MRPS6: variants seen among roughly 807,000 people sequenced by gnomAD.
MRPS6 encodes mitochondrial ribosomal protein S6.
Under a neutral mutation model 13.1 loss-of-function variants are expected in MRPS6, and 6 were observed. The observed-to-expected ratio is 0.46, with a 90% CI of 0.25 to 0.91. The LOEUF (loss-of-function observed/expected upper bound fraction) is 0.91, where lower values mean the gene tolerates loss of function less well. Ranked by LOEUF, MRPS6 falls within the 40% of genes least tolerant of loss-of-function variation. MRPS6 has a pLI of 0.18. For synonymous variants in MRPS6, 61 were observed against 56.5 expected (o/e 1.08, Z -0.36); for missense variants, 164 against 155.6 (o/e 1.05, Z -0.29).
At position 34,096,211 on chromosome 21, in the gene MRPS6, T is replaced by G; in HGVS notation, c.45+22466T>G. 5.6e-6 allele frequency: 9 copies of G among 1,614,224 alleles called. No homozygotes were observed. Among genetic ancestry groups the G allele is most frequent in the Non-Finnish European group, 7.6e-6 (9 of 1,180,020 alleles). On this transcript the variant is annotated intron_variant, in intron 1 of 2. Transcript: ENST00000399312. This position sits in a 1 kb window ranked among gnomAD's most constrained non-coding sequence, Gnocchi z 5.9. ...TGCATCAACCCAGAGCACTGCATGC[T>G]GGTGTGTGGAAGCAGAGCTGGTTGC...
chr21:34,100,929 G>GT (rs1184439831), intron 1 of MRPS6: 1 of 1,000,182 alleles, frequency 1.0e-6, no homozygotes, highest in Non-Finnish European at 1.2e-6. Context: ...GCTTGGCAGT[G>GT]TTAAAGCTTA....
chr21:34,093,385 T>G (rs1438218410), intron 1 of MRPS6, among the ~76,000 whole-genome samples: 2 of 152,126 alleles, frequency 1.3e-5, no homozygotes, highest in African/African-American at 2.4e-5. Context: ...ATTGAGACAT[T>G]TCTATCCAGG....
At chr21:34,101,050 A>G in intron 1 of MRPS6, 1 of 1,000,168 alleles carries the variant, frequency 1.0e-6, no homozygotes, top group Non-Finnish European at 1.2e-6. Context: ...CTAGGTTTGG[A>G]TAGAGAGATG....
rs1979282841 is a variant in MRPS6, at chr21:34,102,420, G to C, written c.46-22921G>C. ...AACTTCTTTATAAAAAGAGGGATTA[G>C]TTTTTTTGTTTTGGGGTAAGCACCT... On this transcript the variant is annotated intron_variant, in intron 1 of 2. Transcript: ENST00000399312. 10 of 999,714 alleles carry C rather than the reference G, an allele frequency of 1.0e-5. 1 individual carries two copies. In the South Asian group the frequency reaches 4.2e-4, roughly 42 times the overall value. 61.9% of individuals were successfully genotyped at this position (999,714 alleles called of 1,614,324 possible).
chr21:34,080,259 C>G (rs181231826), intron 1 of MRPS6, among the ~76,000 whole-genome samples: 1 of 152,306 alleles, frequency 6.6e-6, no homozygotes, highest in Admixed American at 6.5e-5. Flanking sequence ...TGTATCAACA[C>G]TTGCCAAATT....
chr21:34,077,532 T>G (rs1207167749), intron 1 of MRPS6, among the ~76,000 whole-genome samples: 4 of 152,224 alleles, frequency 2.6e-5, no homozygotes, highest in Non-Finnish European at 5.9e-5. Flanking sequence ...ACTAATTCAC[T>G]TGCTAAATGA....
intron 1 of MRPS6, chr21:34,103,315 TAAA>T (rs11433558): frequency 1.3e-4 from 121 of 910,538 alleles, no homozygotes; most frequent in East Asian, 2.4e-4. Context: ...GTGAAGGAAG[TAAA>T]AAAAAAAAAA....
At chr21:34,089,373 C>T (rs1174470884) in intron 1 of MRPS6, among the ~76,000 whole-genome samples, 6 of 151,526 alleles carry the variant, frequency 4.0e-5, no homozygotes, top group Non-Finnish European at 7.4e-5. Flanking sequence ...GAGTTTGCTC[C>T]TATATGTGAT....
intron 1 of MRPS6, chr21:34,103,230 C>T: frequency 1.0e-6 from 1 of 999,382 alleles, no homozygotes; most frequent in Non-Finnish European, 1.2e-6. Context: ...CCAGTATTGA[C>T]TCTGCTAGTT....
chr21:34,119,455 A>G (rs532161205), intron 1 of MRPS6, among the ~76,000 whole-genome samples: 1 of 152,348 alleles, frequency 6.6e-6, no homozygotes, highest in East Asian at 1.9e-4. Flanking sequence ...TGGAATTAAG[A>G]TTCAGCAAAG....
chr21:34,083,425 T>G (rs903154138), intron 1 of MRPS6, among the ~76,000 whole-genome samples: 1 of 152,216 alleles, frequency 6.6e-6, no homozygotes, highest in East Asian at 1.9e-4. Flanking sequence ...TTGATTCAGA[T>G]TTAAGGTGAA....
At chr21:34,110,358 A>G (rs1979648028) in intron 1 of MRPS6, among the ~76,000 whole-genome samples, 1 of 151,440 alleles carries the variant, frequency 6.6e-6, no homozygotes, top group African/African-American at 2.4e-5. Context: ...CAGCTACTCA[A>G]GAGGCCAGCT....
Position 34,128,828 on chromosome 21 carries a change from G to A in MRPS6, c.185+3348G>A, listed in dbSNP as rs117983708. Among the ~76,000 whole-genome samples the A allele has an allele frequency of 6.1e-3, 933 of 152,320 alleles. 8 individuals are homozygous for A. Among genetic ancestry groups the A allele is most frequent in the Non-Finnish European group, 0.011 (746 of 68,032 alleles). On this transcript the variant is annotated intron_variant, in intron 2 of 2. Coordinates refer to ENST00000399312, the MANE Select transcript of MRPS6 (RefSeq NM_032476.4). ...ATGCAATTCAGTGTTCCCCTTGGCA[G>A]CAGAATGGGGCCTGGATTGGGCCAC...
At chr21:34,116,774 G>A (rs900409786) in intron 1 of MRPS6, among the ~76,000 whole-genome samples, 1 of 152,096 alleles carries the variant, frequency 6.6e-6, no homozygotes, top group African/African-American at 2.4e-5. Flanking sequence ...ACAACCTGTA[G>A]GTAATTAACA....
chr21:34,123,022 G>T (rs1176775324), intron 1 of MRPS6: 1 of 152,114 alleles, frequency 6.6e-6, no homozygotes, highest in Non-Finnish European at 1.5e-5. Flanking sequence ...AGAGATTTTG[G>T]CCTGAATTTT....
rs57694757 is a variant in MRPS6, at chr21:34,116,178, TTGTGTGTG to T, written c.46-9131_46-9124del. Among the ~76,000 whole-genome samples, 824 of 141,382 alleles carry T rather than the reference TTGTGTGTG, an allele frequency of 5.8e-3. 6 individuals are homozygous for T. Among genetic ancestry groups the T allele is most frequent in the African/African-American group, 0.016 (618 of 37,534 alleles). 92.8% of individuals were successfully genotyped at this position (141,382 alleles called of 152,430 possible). On this transcript the variant is annotated intron_variant, in intron 1 of 2. Transcript: ENST00000399312. ...TGTGTCCCACCATGCCCAGCTAATT[TTGTGTGTG>T]TGTGTGTGTGTGTGTGTGTGTGTGT...
At chr21:34,103,485 T>A in intron 1 of MRPS6, 3 of 999,260 alleles carry the variant, frequency 3.0e-6, no homozygotes, top group Non-Finnish European at 3.6e-6. Flanking sequence ...TTTTGTTGTG[T>A]TTCCATTGTA....
intron 1 of MRPS6, among the ~76,000 whole-genome samples, chr21:34,076,203 T>C (rs1989327026): frequency 6.6e-6 from 1 of 151,924 alleles, no homozygotes; most frequent in South Asian, 2.1e-4. Context: ...TGCTCTCCTG[T>C]TTTTTCTCCG....
At chr21:34,110,542 C>T (rs751936680) in intron 1 of MRPS6, among the ~76,000 whole-genome samples, 19 of 151,742 alleles carry the variant, frequency 1.3e-4, no homozygotes, top group Non-Finnish European at 1.8e-4. Context: ...GTATTGAATA[C>T]CACTCATCAA....
Sources: gnomAD v4.1 joint callset for allele counts (sites outside exome capture counted in the v4.1 genomes callset) on GRCh38, gnomAD v4.1.1 for gene constraint, Gnocchi (gnomAD v3.1) non-coding constraint, MANE v1.5 for transcripts, NCBI Gene and HGNC (gene_info 2026-07-23, HGNC 2026-07-21) for gene names.